ERGIC1: variants seen among roughly 807,000 people sequenced by gnomAD.
The protein encoded by ERGIC1 is endoplasmic reticulum-Golgi intermediate compartment protein 1.
A neutral mutation model predicts 38.3 loss-of-function variants in ERGIC1; 19 were observed. The ratio of observed to expected loss-of-function variants is 0.50; its 90% confidence interval spans 0.35 to 0.73. The LOEUF (loss-of-function observed/expected upper bound fraction) is 0.73. ERGIC1 is among the 30% of genes least tolerant of loss of function. The pLI is 0.01. For missense variants in ERGIC1, 294 were observed against 389.2 expected (o/e 0.76, Z 2.06); for synonymous variants, 124 against 157.6 (o/e 0.79, Z 1.60).
At chr5:172,859,656 C>T (rs916925223) in intron 1 of ERGIC1, among the ~76,000 whole-genome samples, 1 of 152,198 alleles carries the variant, frequency 6.6e-6, no homozygotes, top group Non-Finnish European at 1.5e-5. Flanking sequence ...CTTAAAGGGG[C>T]CCCTGGAGCC....
Position 172,867,616 on chromosome 5 carries a change from T to A in ERGIC1, c.21-21083T>A, listed in dbSNP as rs140263349. 8 of 367,874 alleles carry A rather than the reference T, an allele frequency of 2.2e-5. No individual in the cohort carries two copies. In the East Asian group the frequency reaches 5.0e-4, roughly 23 times the overall value. The allele number at this position is 367,874 out of a possible 1,614,324, so 22.8% of individuals were successfully genotyped here. ...CCTGTCCTCTGGGTCCTGGCTGGGC[T>A]GGGCAGGAGGGCACTCACCTCTCCC... is the stretch of plus-strand genomic sequence containing the variant. On this transcript the variant is annotated intron_variant, in intron 1 of 9. Coordinates refer to ENST00000393784, the MANE Select transcript of ERGIC1 (RefSeq NM_001031711.3).
At chr5:172,902,712 A>C (rs1762915064) in intron 3 of ERGIC1, among the ~76,000 whole-genome samples, 1 of 152,054 alleles carries the variant, frequency 6.6e-6, no homozygotes, top group African/African-American at 2.4e-5. Flanking sequence ...TCAGGATTTG[A>C]AACTCAAGGC....
intron 1 of ERGIC1, among the ~76,000 whole-genome samples, chr5:172,859,064 C>T (rs568100671): frequency 2.4e-4 from 36 of 152,320 alleles, no homozygotes; most frequent in Middle Eastern, 3.4e-3. Context: ...CATCGGCGCC[C>T]TTACCGGGGA....
intron 2 of ERGIC1, 103 bp from the exon 3 acceptor site, chr5:172,896,899 C>CCA: frequency 9.1e-7 from 1 of 1,095,864 alleles, no homozygotes; most frequent in Non-Finnish European, 1.4e-6. Flanking sequence ...GGGCACAGCC[C>CCA]CACACCCTTG....
At chr5:172,901,269 TG>T (rs1478716622) in intron 3 of ERGIC1, among the ~76,000 whole-genome samples, 3 of 152,152 alleles carry the variant, frequency 2.0e-5, no homozygotes, top group African/African-American at 7.2e-5. Flanking sequence ...CACATTTGTT[TG>T]GGTGGTTGGG....
chr5:172,893,825 G>A (rs1028557138), intron 2 of ERGIC1, among the ~76,000 whole-genome samples: 1 of 140,712 alleles, frequency 7.1e-6, no homozygotes, highest in East Asian at 2.1e-4. Flanking sequence ...AGCAAAGCAC[G>A]GTGGAAAAGA....
intron 4 of ERGIC1, among the ~76,000 whole-genome samples, chr5:172,910,837 C>T (rs1449447640): frequency 1.3e-5 from 2 of 152,146 alleles, no homozygotes; most frequent in African/African-American, 4.8e-5. Flanking sequence ...GAATGAATTA[C>T]TTCTACAAAA....
At chr5:172,849,778 G>T (rs908778662) in intron 1 of ERGIC1, among the ~76,000 whole-genome samples, 1 of 152,156 alleles carries the variant, frequency 6.6e-6, no homozygotes, top group Non-Finnish European at 1.5e-5. Flanking sequence ...CCTCACCCAC[G>T]CTGTCTGCAC....
chr5:172,907,265 C>T (rs1051075172), intron 3 of ERGIC1, among the ~76,000 whole-genome samples: 1 of 152,218 alleles, frequency 6.6e-6, no homozygotes, highest in African/African-American at 2.4e-5. Flanking sequence ...CATATCAAGC[C>T]TAAAGGCCTC....
intron 1 of ERGIC1, among the ~76,000 whole-genome samples, chr5:172,845,081 A>G (rs1761254360): frequency 6.6e-6 from 1 of 152,120 alleles, no homozygotes; most frequent in Non-Finnish European, 1.5e-5. Context: ...CACAAACAGC[A>G]GGTGATGCCG....
At chr5:172,835,738 C>G (rs60214478) in intron 1 of ERGIC1, among the ~76,000 whole-genome samples, 34,797 of 152,128 alleles carry the variant, frequency 0.23, 4,386 homozygotes, top group East Asian at 0.38. Flanking sequence ...TCTTGGACCT[C>G]TTGATTGGTT....
chr5:172,860,255 G>T (rs1483502718), intron 1 of ERGIC1, among the ~76,000 whole-genome samples: 1 of 152,200 alleles, frequency 6.6e-6, no homozygotes, highest in East Asian at 1.9e-4. Context: ...GCAGGAGGGC[G>T]TGGAGAGGTA....
rs549348385 is a variant in ERGIC1, at chr5:172,850,600, G to A, written c.20+16167G>A. ...CCACCCACTCGCTGTGTGTCCTTGG[G>A]CAGCTCACTTCACCTCTCTGAGTCT... is the stretch of plus-strand genomic sequence containing the variant. On this transcript the variant is annotated intron_variant, in intron 1 of 9. Coordinates refer to ENST00000393784, the MANE Select transcript of ERGIC1 (RefSeq NM_001031711.3). Among the ~76,000 whole-genome samples, 8 of 152,214 alleles carry A rather than the reference G, an allele frequency of 5.3e-5. No individual in the cohort carries two copies. The East Asian group carries it at 9.7e-4, about 18-fold the overall frequency.
chr5:172,868,727 T>C (rs1025883063), intron 1 of ERGIC1, among the ~76,000 whole-genome samples: 1 of 152,210 alleles, frequency 6.6e-6, no homozygotes, highest in Non-Finnish European at 1.5e-5. Flanking sequence ...TCAGTGTTCA[T>C]TCATCAATCA....
intron 7 of ERGIC1, among the ~76,000 whole-genome samples, chr5:172,927,547 A>AGCACAGTT (rs1259247251): frequency 6.7e-6 from 1 of 149,244 alleles, no homozygotes; most frequent in African/African-American, 2.5e-5. Flanking sequence ...TTGTAATGGG[A>AGCACAGTT]GCACAGTTGT....
intron 9 of ERGIC1, among the ~76,000 whole-genome samples, chr5:172,939,668 C>T (rs778509119): frequency 3.9e-5 from 6 of 152,272 alleles, no homozygotes; most frequent in Non-Finnish European, 8.8e-5. Flanking sequence ...CACACTGCTG[C>T]AGGGAACCTC....
intron 3 of ERGIC1, among the ~76,000 whole-genome samples, chr5:172,906,813 C>A (rs1428458803): frequency 1.3e-5 from 2 of 152,144 alleles, no homozygotes; most frequent in South Asian, 2.1e-4. Context: ...CTAGGCCAGG[C>A]CTTTAGATTT....
chr5:172,926,638 G>A lies in ERGIC1; in HGVS notation c.541+69G>A. 1 of 1,567,582 alleles carries A rather than the reference G, an allele frequency of 6.4e-7. No homozygotes were observed. On this transcript the variant is annotated intron_variant, in intron 7 of 9. Coordinates refer to ENST00000393784, the MANE Select transcript of ERGIC1 (RefSeq NM_001031711.3). This position sits in a 1 kb window ranked among gnomAD's most constrained non-coding sequence, Gnocchi z 5.2. ...AGTACAGCAGGCAGGGAGGGGGAGG[G>A]CAGAGAGGTGGGGGTGCCTGTCCAG...
chr5:172,927,765 G>A (rs1225246072), intron 7 of ERGIC1, among the ~76,000 whole-genome samples: 6 of 152,028 alleles, frequency 3.9e-5, no homozygotes, highest in African/African-American at 1.4e-4. Context: ...ATTTTTAGTT[G>A]AGACAGGGTT....
Sources: allele counts gnomAD v4.1 joint callset (sites outside exome capture counted in the v4.1 genomes callset), GRCh38; gene constraint gnomAD v4.1.1; non-coding constraint Gnocchi (gnomAD v3.1); transcripts MANE v1.5; gene names NCBI Gene and HGNC (gene_info 2026-07-23, HGNC 2026-07-21).